PLBD1: variants seen among roughly 807,000 people sequenced by gnomAD.
The protein encoded by PLBD1 is phospholipase B domain containing 1, also known as lysosomal leucine aminopeptidase.
In PLBD1, 60 loss-of-function variants were observed where a neutral mutation model predicts 63.0. The observed-to-expected ratio is 0.95, with a 90% CI of 0.77 to 1.18. PLBD1 has a LOEUF of 1.18. Ranked by LOEUF, PLBD1 falls within the 50% of genes most tolerant of loss-of-function variation. The probability of loss-of-function intolerance (pLI) is 0.00; values close to 1 mark genes in which losing one functional copy is unlikely to be tolerated. For missense variants in PLBD1, 598 were observed against 677.9 expected (o/e 0.88, Z 1.31); for synonymous variants, 262 against 248.0 (o/e 1.06, Z -0.53).
Position 14,540,106 on chromosome 12 carries a change from T to TTTTATATATATATATATATATATATA in PLBD1, c.558+657_558+658insTATATATATATATATATATATATAAA, listed in dbSNP as rs71448876. Reference sequence around the variant, plus strand: ...AAAAGAGAGTTATATAATATAAATATTATTTATATATATATATATATATAT... The same window carrying TTTTATATATATATATATATATATATA: ...AAAAGAGAGTTATATAATATAAATATTTTATATATATATATATATATATATATATTTATATATATATATATATATAT... On this transcript the variant is annotated intron_variant, in intron 4 of 10. Coordinates refer to ENST00000240617, the MANE Select transcript of PLBD1 (RefSeq NM_024829.6). 5.6e-4 allele frequency among the ~76,000 whole-genome samples: 36 copies of TTTTATATATATATATATATATATATA among 64,030 alleles called. 9 individuals are homozygous for TTTTATATATATATATATATATATATA. The highest frequency in any genetic ancestry group is 9.1e-4 in the Admixed American group (4 of 4,402). The allele number at this position is 64,030 out of a possible 152,430, so 42.0% of individuals were successfully genotyped here.
chr12:14,546,659 A>G (rs2136927631), intron 2 of PLBD1, among the ~76,000 whole-genome samples: 2 of 152,314 alleles, frequency 1.3e-5, no homozygotes, highest in Admixed American at 1.3e-4. Flanking sequence ...AGATGCTGCT[A>G]AAGATCCCAC....
chr12:14,558,366 T>C (rs1028002574), intron 1 of PLBD1, among the ~76,000 whole-genome samples: 1 of 152,178 alleles, frequency 6.6e-6, no homozygotes, highest in Admixed American at 6.5e-5. Context: ...ATGGAGCCAT[T>C]TGGCCACAAT....
At position 14,567,872 on chromosome 12, in the gene PLBD1, G is replaced by A; in HGVS notation, c.-176C>T. ...GCTCCGGGCTCTGAGGGGCGAGGAC[G>A]CTTCACGTGGTGGCCTGGGGCCCAC... On this transcript the variant is annotated 5_prime_UTR_variant, in exon 1 of 11. Transcript: ENST00000240617. 2.3e-6 allele frequency: 2 copies of A among 878,974 alleles called. No homozygotes were observed. Among genetic ancestry groups the A allele is most frequent in the South Asian group, 2.8e-5 (1 of 35,800 alleles). The allele number at this position is 878,974 out of a possible 1,614,324, so 54.4% of individuals were successfully genotyped here.
At chr12:14,528,631 A>G (rs563297857) in intron 6 of PLBD1, among the ~76,000 whole-genome samples, 2 of 152,280 alleles carry the variant, frequency 1.3e-5, no homozygotes, top group African/African-American at 4.8e-5. Context: ...CTTATGATAG[A>G]AAGATCAAAA....
intron 8 of PLBD1, among the ~76,000 whole-genome samples, chr12:14,510,531 A>G (rs1945289903): frequency 1.3e-5 from 2 of 152,262 alleles, no homozygotes; most frequent in South Asian, 4.1e-4. Flanking sequence ...CAAGAGAAAC[A>G]AAATAATAAT....
chr12:14,525,629 A>T (rs2136913715), intron 6 of PLBD1, among the ~76,000 whole-genome samples: 1 of 152,206 alleles, frequency 6.6e-6, no homozygotes, highest in South Asian at 2.1e-4. Context: ...CCAAAAATCT[A>T]AATGCAGAAA....
At position 14,507,137 on chromosome 12, in the gene PLBD1, G is replaced by GTT. The variant is rs1945262963; in HGVS notation, c.1187-20_1187-19insAA. 2 of 1,557,966 alleles carry GTT rather than the reference G, an allele frequency of 1.3e-6. No individual in the cohort carries two copies. The highest frequency in any genetic ancestry group is 2.7e-5 in the African/African-American group (2 of 73,776). ...CAATATCCTGATTTGGAATGGAAGG[G>GTT]AAGTAAGGGAGGGATTGACAGGGAA... On this transcript the variant is annotated intron_variant, in intron 8 of 10. Coordinates refer to ENST00000240617, the MANE Select transcript of PLBD1 (RefSeq NM_024829.6).
At chr12:14,566,468 A>C (rs1362311180) in intron 1 of PLBD1, among the ~76,000 whole-genome samples, 2 of 152,222 alleles carry the variant, frequency 1.3e-5, no homozygotes, top group African/African-American at 2.4e-5. Flanking sequence ...ATGAAATAAG[A>C]CAAAATTAAT....
chr12:14,564,013 G>T (rs1945762499), intron 1 of PLBD1, among the ~76,000 whole-genome samples: 1 of 152,236 alleles, frequency 6.6e-6, no homozygotes, highest in Admixed American at 6.5e-5. Flanking sequence ...GAACCTGTGG[G>T]AGGATCACTT....
rs1411105495 is a variant in PLBD1, at chr12:14,542,267, G to A, written c.360C>T (p.Asn120=). 8.1e-6 allele frequency: 13 copies of A among 1,609,894 alleles called. No individual in the cohort carries two copies. The highest frequency in any genetic ancestry group is 1.1e-5 in the Non-Finnish European group (13 of 1,176,312). ...GTTTCGTGATCAGCTGTGGGTAGAG[G>A]TTTGTGTAGTGGTCATTCATGTGTC... ...TAPHMNDHYT[N]LYPQLITKPS... Residue 120 remains asparagine (N), a synonymous_variant, in exon 3 of 11, where the codon AAC becomes AAT. Transcript: ENST00000240617.
At chr12:14,548,274 T>C (rs1945630518) in intron 2 of PLBD1, among the ~76,000 whole-genome samples, 1 of 151,822 alleles carries the variant, frequency 6.6e-6, no homozygotes, top group South Asian at 2.1e-4. Context: ...CTGGCCAGCA[T>C]GGTGAAACCC....
At chr12:14,528,248 C>T (rs1945431895) in intron 6 of PLBD1, among the ~76,000 whole-genome samples, 1 of 152,066 alleles carries the variant, frequency 6.6e-6, no homozygotes, top group South Asian at 2.1e-4. Context: ...CTGACATTTA[C>T]AGAACACTAC....
At chr12:14,528,299 T>C (rs1365890578) in intron 6 of PLBD1, among the ~76,000 whole-genome samples, 1 of 152,152 alleles carries the variant, frequency 6.6e-6, no homozygotes, top group African/African-American at 2.4e-5. Flanking sequence ...CTACTGCATA[T>C]GAAACATTCA....
At chr12:14,531,584 T>A (rs555906555) in intron 6 of PLBD1, among the ~76,000 whole-genome samples, 1 of 152,304 alleles carries the variant, frequency 6.6e-6, no homozygotes, top group East Asian at 1.9e-4. Context: ...ATCGACATGT[T>A]TTCTGTTGGA....
Position 14,526,327 on chromosome 12 carries a change from A to C in PLBD1, c.844+9332T>G, listed in dbSNP as rs561768948. Among the ~76,000 whole-genome samples, 3 of 152,340 alleles carry C rather than the reference A, an allele frequency of 2.0e-5. No homozygotes were observed. In the East Asian group the frequency reaches 5.8e-4, roughly 29 times the overall value. ...CATTCCGTTTGTGCTAACAAATTAAAATATGCTTTGATTCATACTTAAACC... is the reference window on the plus strand; with the variant it reads ...CATTCCGTTTGTGCTAACAAATTAACATATGCTTTGATTCATACTTAAACC... On this transcript the variant is annotated intron_variant, in intron 6 of 10. Coordinates refer to ENST00000240617, the MANE Select transcript of PLBD1 (RefSeq NM_024829.6).
rs556595610 is a variant in PLBD1, at chr12:14,503,929, T to C, written c.1505A>G (p.Gln502Arg). The change falls in exon 11 of 11, where the codon CAG becomes CGG. Residue 502 changes from glutamine to arginine, a missense_variant. Coordinates refer to ENST00000240617, the MANE Select transcript of PLBD1 (RefSeq NM_024829.6). ...ACCACTTATGGCATAGGATGTGTAC[T>C]GAGATGCTAGGTAGATATCTGCCAC... ...TKVADIYLAS[Q>R]YTSYAISGPT... The C allele has an allele frequency of 1.9e-6, 3 of 1,610,758 alleles. No homozygotes were observed. Among genetic ancestry groups the C allele is most frequent in the Non-Finnish European group, 2.5e-6 (3 of 1,178,430 alleles).
intron 2 of PLBD1, 76 bp downstream of exon 2, chr12:14,553,117 A>G: frequency 1.6e-6 from 2 of 1,258,026 alleles, no homozygotes; most frequent in Non-Finnish European, 1.1e-6. Context: ...CAATGCCAGG[A>G]AGATGAGAGT....
At chr12:14,535,448 T>C (rs1305154688) in intron 6 of PLBD1, among the ~76,000 whole-genome samples, 4 of 152,240 alleles carry the variant, frequency 2.6e-5, no homozygotes, top group Non-Finnish European at 5.9e-5. Context: ...GTGTCTTCTA[T>C]TTGGCAATTC....
chr12:14,532,871 G>A (rs1945476977), intron 6 of PLBD1, among the ~76,000 whole-genome samples: 1 of 152,214 alleles, frequency 6.6e-6, no homozygotes, highest in African/African-American at 2.4e-5. Context: ...TCAGGATGCT[G>A]GAGGGGGATT....
Sources: allele counts gnomAD v4.1 joint callset (sites outside exome capture counted in the v4.1 genomes callset), GRCh38; gene constraint gnomAD v4.1.1; transcripts MANE v1.5; gene names NCBI Gene and HGNC (gene_info 2026-07-23, HGNC 2026-07-21).